ZNF100: variants seen among roughly 807,000 people sequenced by gnomAD.
ZNF100 encodes the protein zinc finger protein 100.
Under a neutral mutation model 15.8 loss-of-function variants are expected in ZNF100, and 12 were observed. The observed-to-expected ratio is 0.76, with a 90% CI of 0.49 to 1.23. ZNF100 has a LOEUF of 1.23. Ranked by LOEUF, ZNF100 falls within the 50% of genes most tolerant of loss-of-function variation. The pLI is 0.00. For missense variants in ZNF100, 670 were observed against 635.6 expected (o/e 1.05, Z -0.58); for synonymous variants, 226 against 214.8 (o/e 1.05, Z -0.45).
At position 21,728,075 on chromosome 19, in the gene ZNF100, A is replaced by G. The variant is rs1049438533; in HGVS notation, c.323-86T>C. ...AACCTCTAATATACAAACTACATAA[A>G]TAAGATGGCATAGGAAAATACCAAA... On this transcript the variant is annotated intron_variant, in intron 4 of 4. Coordinates refer to ENST00000358296, the MANE Select transcript of ZNF100 (RefSeq NM_173531.4). 7 of 1,230,502 alleles carry G rather than the reference A, an allele frequency of 5.7e-6. No homozygotes were observed. In the African/African-American group the frequency reaches 9.4e-5, roughly 16 times the overall value. 76.2% of individuals were successfully genotyped at this position (1,230,502 alleles called of 1,614,324 possible).
At chr19:21,767,326 A>T (rs1020354606) in intron 1 of ZNF100, 101 bp downstream of exon 1, 1 of 1,594,812 alleles carries the variant, frequency 6.3e-7, no homozygotes, top group Admixed American at 1.7e-5. Flanking sequence ...GCAGATTGTG[A>T]AGCTGACTGC....
At position 21,767,445 on chromosome 19, in the gene ZNF100, G is replaced by C; in HGVS notation, c.-16C>G. The C allele has an allele frequency of 1.9e-6, 3 of 1,614,136 alleles. No individual in the cohort carries two copies. The highest frequency in any genetic ancestry group is 1.7e-6 in the Non-Finnish European group (2 of 1,180,014). ...CTCTCACCATTTCTAGGCTTCTAGG[G>C]GGTCCTGGCGTCTTAGCTGTGGATC... On this transcript the variant is annotated 5_prime_UTR_variant, in exon 1 of 5. Transcript: ENST00000358296.
intron 4 of ZNF100, among the ~76,000 whole-genome samples, chr19:21,733,931 T>C (rs866770828): frequency 1.3e-5 from 2 of 152,216 alleles, no homozygotes; most frequent in Middle Eastern, 3.2e-3. Flanking sequence ...CCCAGGCAAA[T>C]AGGATCTGAA....
intron 4 of ZNF100, among the ~76,000 whole-genome samples, chr19:21,728,258 G>A (rs919121219): frequency 6.6e-6 from 1 of 151,978 alleles, no homozygotes; most frequent in Non-Finnish European, 1.5e-5. Flanking sequence ...TTACCCAACA[G>A]AGCTCTTTCT....
intron 1 of ZNF100, 65 bp downstream of exon 1, chr19:21,767,362 T>C: frequency 1.9e-6 from 3 of 1,609,686 alleles, no homozygotes; most frequent in South Asian, 2.2e-5. Flanking sequence ...CCGCCACAGC[T>C]ACTTCCCACC....
At chr19:21,757,006 T>A (rs752157257) in intron 2 of ZNF100, among the ~76,000 whole-genome samples, 1 of 152,190 alleles carries the variant, frequency 6.6e-6, no homozygotes, top group Admixed American at 6.5e-5. Flanking sequence ...ATTTAATAAA[T>A]GGTGCTGGAA....
Position 21,765,675 on chromosome 19 carries a change from TA to T in ZNF100, c.96+18del, listed in dbSNP as rs759070089. On this transcript the variant is annotated intron_variant, in intron 2 of 4. Coordinates refer to ENST00000358296, the MANE Select transcript of ZNF100 (RefSeq NM_173531.4). The stretch of plus-strand genomic sequence containing the variant: ...AAGCTGGGTTGGGTGAAGACAATTT[TA>T]ATGTCTCAAGGGGTTACCTTTTCAA... 3 of 1,600,734 alleles carry T rather than the reference TA, an allele frequency of 1.9e-6. No homozygotes were observed. Among genetic ancestry groups the T allele is most frequent in the Non-Finnish European group, 2.6e-6 (3 of 1,169,434 alleles).
intron 2 of ZNF100, among the ~76,000 whole-genome samples, chr19:21,763,655 C>G (rs999665152): frequency 6.6e-6 from 1 of 152,144 alleles, no homozygotes; most frequent in East Asian, 1.9e-4. Flanking sequence ...GGCTCCTGAA[C>G]TTTGAGCTAC....
At chr19:21,738,776 T>G (rs1311986318) in intron 4 of ZNF100, among the ~76,000 whole-genome samples, 9 of 152,092 alleles carry the variant, frequency 5.9e-5, no homozygotes. Flanking sequence ...AAATCCCATC[T>G]CTACTAAAAA....
At chr19:21,750,866 A>G (rs2036294355) in intron 2 of ZNF100, 1 of 543,034 alleles carries the variant, frequency 1.8e-6, no homozygotes, top group African/African-American at 1.9e-5. Context: ...ACGCTGACCT[A>G]TTGCGTGTCC....
chr19:21,763,574 G>GTC (rs922140999), intron 2 of ZNF100, among the ~76,000 whole-genome samples: 51 of 151,972 alleles, frequency 3.4e-4, no homozygotes, highest in African/African-American at 1.1e-3. Flanking sequence ...TGGCGACAGA[G>GTC]TAAGACTCCA....
At chr19:21,735,734 T>C (rs1161378247) in intron 4 of ZNF100, among the ~76,000 whole-genome samples, 1 of 152,178 alleles carries the variant, frequency 6.6e-6, no homozygotes, top group Admixed American at 6.5e-5. Flanking sequence ...GGAAGGACAC[T>C]ACATAATGCT....
chr19:21,762,756 C>T (rs1258477566), intron 2 of ZNF100, among the ~76,000 whole-genome samples: 2 of 152,078 alleles, frequency 1.3e-5, no homozygotes, highest in Admixed American at 1.3e-4. Context: ...TGAACCAAAG[C>T]AAATCCATTT....
chr19:21,728,053 C>T (rs897662006), intron 4 of ZNF100, 64 bp from the exon 5 acceptor site: 1 of 1,352,192 alleles, frequency 7.4e-7, no homozygotes. Context: ...CAAATCTAAC[C>T]TCTAATATAC....
intron 4 of ZNF100, among the ~76,000 whole-genome samples, chr19:21,742,804 T>C (rs756023149): frequency 7.2e-5 from 11 of 152,078 alleles, no homozygotes; most frequent in Non-Finnish European, 1.6e-4. Context: ...AACATACAAG[T>C]ATAAACTACT....
At position 21,744,105 on chromosome 19, in the gene ZNF100, A is replaced by C; in HGVS notation, c.234T>G (p.Ala78=). 1 of 1,604,854 alleles carries C rather than the reference A, an allele frequency of 6.2e-7. No homozygotes were observed. Among genetic ancestry groups the C allele is most frequent in the Non-Finnish European group, 8.5e-7 (1 of 1,176,790 alleles). The change falls in exon 4 of 5, where the codon GCT becomes GCG. Residue 78 remains alanine (A), a synonymous_variant. Transcript: ENST00000358296. ...AGGTGATCAGGTCTGGCTTAGTGAGAGCAATACCTGCTTTATTAGAAATAA... is the reference window on the plus strand; with the variant it reads ...AGGTGATCAGGTCTGGCTTAGTGAGCGCAATACCTGCTTTATTAGAAATAA... ...YRNLVFLAGI[A]LTKPDLITCL...
At chr19:21,743,519 T>C (rs1439004360) in intron 4 of ZNF100, among the ~76,000 whole-genome samples, 2 of 152,168 alleles carry the variant, frequency 1.3e-5, no homozygotes, top group African/African-American at 4.8e-5. Flanking sequence ...TTATAAGTTC[T>C]AACTATATTT....
chr19:21,742,300 C>T (rs1568299894), intron 4 of ZNF100, among the ~76,000 whole-genome samples: 1 of 118,258 alleles, frequency 8.5e-6, no homozygotes, highest in South Asian at 3.3e-4. Flanking sequence ...CTGTCCCCCA[C>T]CCAAAAAAAA....
rs760149829 is a variant in ZNF100, at chr19:21,745,064, G to A, written c.100C>T (p.Pro34Ser). 6.2e-7 allele frequency: 1 copy of A among 1,609,994 alleles called. No individual in the cohort carries two copies. The highest frequency in any genetic ancestry group is 8.5e-7 in the Non-Finnish European group (1 of 1,178,984). ...ATGGCCACATCCCTAAACGTCAATG[G>A]CCCCTGAAAAGCACAAGCACAGAGA... ...LLVQSYFEKGPLTFRDVAIEF... is the reference protein window; with the variant it reads ...LLVQSYFEKGSLTFRDVAIEF... The change falls in exon 3 of 5, where the codon CCA becomes TCA. Residue 34 changes from proline to serine, a missense_variant. By Grantham distance (74) the Pro-to-Ser change is moderately conservative (BLOSUM62 -1). Transcript: ENST00000358296.
Sources: gnomAD v4.1 joint callset for allele counts (sites outside exome capture counted in the v4.1 genomes callset) on GRCh38, gnomAD v4.1.1 for gene constraint, MANE v1.5 for transcripts, NCBI Gene and HGNC (gene_info 2026-07-23, HGNC 2026-07-21) for gene names.